The following JMJD1C variants were observed in gnomAD, a reference collection of about 807,000 sequenced individuals.
JMJD1C encodes the protein jumonji domain-containing protein 1C.
JMJD1C carries 31 observed loss-of-function variants against 245.3 expected under a neutral mutation model. The ratio of observed to expected loss-of-function variants is 0.13; its 90% CI spans 0.09 to 0.17. JMJD1C has a LOEUF of 0.17. Among genes scored for constraint, JMJD1C ranks in the 10% least tolerant of loss-of-function variants. JMJD1C has a pLI of 1.00. For synonymous variants in JMJD1C, 1,057 were observed against 1,017.4 expected (o/e 1.04, Z -0.74); for missense variants, 2,691 against 3,000.2 (o/e 0.90, Z 2.41).
At chr10:63,229,144 CATATAA>C (rs1849661581) in intron 3 of JMJD1C, among the ~76,000 whole-genome samples, 1 of 151,808 alleles carries the variant, frequency 6.6e-6, no homozygotes. Flanking sequence ...TGTCTGAGTA[CATATAA>C]ATATAAATAA....
intron 2 of JMJD1C, among the ~76,000 whole-genome samples, chr10:63,312,390 G>T (rs568228497): frequency 6.6e-6 from 1 of 152,156 alleles, no homozygotes; most frequent in South Asian, 2.1e-4. Context: ...TTACAGGCAT[G>T]AGCCACCATG....
At chr10:63,226,734 A>AGAG (rs1554845624) in intron 3 of JMJD1C, among the ~76,000 whole-genome samples, 1 of 144,610 alleles carries the variant, frequency 6.9e-6, no homozygotes, top group Non-Finnish European at 1.5e-5. Context: ...AAAAAAAAAA[A>AGAG]AGAGAGAGAG....
intron 1 of JMJD1C, among the ~76,000 whole-genome samples, chr10:63,393,540 T>G (rs2134627614): frequency 6.6e-6 from 1 of 152,244 alleles, no homozygotes; most frequent in South Asian, 2.1e-4. Flanking sequence ...CTACTGGGTA[T>G]TTATCCAAGG....
At chr10:63,341,048 C>T (rs1943329358) in intron 2 of JMJD1C, among the ~76,000 whole-genome samples, 1 of 152,190 alleles carries the variant, frequency 6.6e-6, no homozygotes, top group African/African-American at 2.4e-5. Context: ...AAGATTTCAA[C>T]TGTGTATTAA....
chr10:63,439,369 C>A (rs1462489116), intron 1 of JMJD1C, among the ~76,000 whole-genome samples: 1 of 152,128 alleles, frequency 6.6e-6, no homozygotes, highest in African/African-American at 2.4e-5. Context: ...AACCACAAAA[C>A]TATTATAAAC....
At chr10:63,344,967 C>T (rs1332436459) in intron 2 of JMJD1C, among the ~76,000 whole-genome samples, 2 of 152,140 alleles carry the variant, frequency 1.3e-5, no homozygotes, top group Non-Finnish European at 2.9e-5. Flanking sequence ...AATAGTTTGG[C>T]AGCTGCTATT....
At chr10:63,514,887 C>T (rs1954971851) in intron 1 of JMJD1C, among the ~76,000 whole-genome samples, 1 of 152,094 alleles carries the variant, frequency 6.6e-6, no homozygotes, top group African/African-American at 2.4e-5. Flanking sequence ...CCTCAAACTA[C>T]AGTTTTTGCC....
At chr10:63,321,615 G>A (rs1030585386) in intron 2 of JMJD1C, among the ~76,000 whole-genome samples, 2 of 152,162 alleles carry the variant, frequency 1.3e-5, no homozygotes, top group African/African-American at 2.4e-5. Flanking sequence ...CAACTATAGC[G>A]TATTAGCACT....
At chr10:63,173,088 A>C (rs145512322) in intron 24 of JMJD1C, among the ~76,000 whole-genome samples, 1 of 152,080 alleles carries the variant, frequency 6.6e-6, no homozygotes, top group East Asian at 1.9e-4. Context: ...CTGGGGGAAA[A>C]ATGTGAGATA....
chr10:63,374,855 A>G (rs1257431845), intron 2 of JMJD1C, among the ~76,000 whole-genome samples: 1 of 152,218 alleles, frequency 6.6e-6, no homozygotes, highest in Non-Finnish European at 1.5e-5. Context: ...TGTTTAAAAG[A>G]AGGCAGAGAT....
intron 24 of JMJD1C, among the ~76,000 whole-genome samples, chr10:63,173,414 T>C (rs1206895177): frequency 1.3e-5 from 2 of 152,168 alleles, no homozygotes; most frequent in African/African-American, 4.8e-5. Context: ...ACTGATCAAC[T>C]GGACCTCATC....
chr10:63,496,432 C>T (rs1219992319), intron 1 of JMJD1C, among the ~76,000 whole-genome samples: 11 of 152,114 alleles, frequency 7.2e-5, no homozygotes, highest in Non-Finnish European at 1.5e-5. Flanking sequence ...TCCAAGTCAT[C>T]CCCCACAATA....
intron 2 of JMJD1C, among the ~76,000 whole-genome samples, chr10:63,333,890 A>G (rs1942421800): frequency 6.6e-6 from 1 of 152,210 alleles, no homozygotes; most frequent in Non-Finnish European, 1.5e-5. Context: ...CAATTTTTCC[A>G]GCAAAATATC....
intron 3 of JMJD1C, among the ~76,000 whole-genome samples, chr10:63,239,796 G>A (rs1851256483): frequency 2.0e-5 from 3 of 152,140 alleles, no homozygotes; most frequent in Admixed American, 2.0e-4. Context: ...GATCTCATTA[G>A]CTGGGATACA....
intron 1 of JMJD1C, among the ~76,000 whole-genome samples, chr10:63,492,542 C>T (rs1322022077): frequency 6.6e-6 from 1 of 151,808 alleles, no homozygotes; most frequent in African/African-American, 2.4e-5. Flanking sequence ...GGCGTGGTGG[C>T]GTGGGCCTGT....
chr10:63,218,668 C>A (rs888126711), intron 4 of JMJD1C, among the ~76,000 whole-genome samples: 1 of 151,980 alleles, frequency 6.6e-6, no homozygotes, highest in African/African-American at 2.4e-5. Context: ...CTATACTGCC[C>A]CTTAATCTTT....
chr10:63,396,541 CAGATG>C (rs1948499255), intron 1 of JMJD1C, among the ~76,000 whole-genome samples: 1 of 152,148 alleles, frequency 6.6e-6, no homozygotes, highest in African/African-American at 2.4e-5. Context: ...CACAACAAAT[CAGATG>C]ATATACAACG....
chr10:63,204,147 A>C, intron 10 of JMJD1C: 1 of 982,694 alleles, frequency 1.0e-6, no homozygotes, highest in Non-Finnish European at 1.2e-6. Context: ...AGAAAAAAAA[A>C]ACTTTTCTAG....
intron 13 of JMJD1C, 124 bp downstream of exon 13, chr10:63,197,286 TG>T: frequency 1.2e-6 from 1 of 803,846 alleles, no homozygotes; most frequent in Non-Finnish European, 1.9e-6. Flanking sequence ...AAAAACAAAC[TG>T]AAAAAAAATA....
Sources: allele counts gnomAD v4.1 joint callset (sites outside exome capture counted in the v4.1 genomes callset), GRCh38; gene constraint gnomAD v4.1.1; transcripts MANE v1.5; gene names NCBI Gene and HGNC (gene_info 2026-07-23, HGNC 2026-07-21).